The following EVA1A variants were observed in gnomAD, a reference collection of about 807,000 sequenced individuals.
The protein encoded by EVA1A is eva-1 homolog A, regulator of programmed cell death, also known as protein eva-1 homolog A.
In EVA1A, 7 loss-of-function variants were observed where a neutral mutation model predicts 9.8. The observed-to-expected ratio is 0.71, with a 90% CI of 0.41 to 1.34. The LOEUF is 1.34. Ranked by LOEUF, EVA1A falls within the 40% of genes most tolerant of loss-of-function variation. EVA1A has a pLI of 0.01. For missense variants in EVA1A, 206 were observed against 205.9 expected, an observed-to-expected ratio of 1.00 and a Z score of 0.00; for synonymous variants, 90 against 85.6, an observed-to-expected ratio of 1.05 and a Z score of -0.28.
intron 3 of EVA1A, among the ~76,000 whole-genome samples, chr2:75,509,087 A>G (rs1314315526): frequency 1.3e-5 from 2 of 152,134 alleles, no homozygotes; most frequent in East Asian, 1.9e-4. Flanking sequence ...GCCTGTGCAA[A>G]TCGAGGAACC....
In EVA1A at chr2:75,509,413, T is replaced by A. The variant is rs544379062; in HGVS notation, c.85+8643A>T. Among the ~76,000 whole-genome samples, 14 of 152,328 alleles carry A rather than the reference T, an allele frequency of 9.2e-5. No homozygotes were observed. The East Asian group carries it at 2.7e-3, about 29-fold the overall frequency. On this transcript the variant is annotated intron_variant, in intron 3 of 3. Transcript: ENST00000393913. ...ATTTGCTGTTAACCAGTTAACCAGTTAACCAATACCCTCTCATGTTATTAA... is the reference window on the plus strand; with the variant it reads ...ATTTGCTGTTAACCAGTTAACCAGTAAACCAATACCCTCTCATGTTATTAA...
In EVA1A at chr2:75,493,619, G is replaced by T. The variant is rs780050218; in HGVS notation, c.86-10C>A. The T allele has an allele frequency of 3.8e-6, 6 of 1,568,338 alleles. No individual in the cohort carries two copies. Among genetic ancestry groups the T allele is most frequent in the Non-Finnish European group, 5.2e-6 (6 of 1,155,844 alleles). The stretch of plus-strand genomic sequence containing the variant: ...GCTCGCTCAGGATTTTCTGGAGGAA[G>T]AAGAGGAAGAAGCAAGCATTTGAGA... On this transcript the variant is annotated splice_polypyrimidine_tract_variant and intron_variant, in intron 3 of 3. Transcript: ENST00000393913.
At chr2:75,541,163 C>G (rs114040254) in intron 1 of EVA1A, among the ~76,000 whole-genome samples, 1,860 of 152,338 alleles carry the variant, frequency 0.012, 41 homozygotes, top group African/African-American at 0.043. Flanking sequence ...TACAATAGAG[C>G]TGAGCCAACC....
intron 3 of EVA1A, among the ~76,000 whole-genome samples, chr2:75,503,766 G>C (rs1383705115): frequency 6.6e-6 from 1 of 152,196 alleles, no homozygotes; most frequent in Non-Finnish European, 1.5e-5. Flanking sequence ...GGCTGGGAAA[G>C]GTGAGTGGAG....
intron 1 of EVA1A, among the ~76,000 whole-genome samples, chr2:75,568,878 T>A (rs922630553): frequency 6.6e-6 from 1 of 152,252 alleles, no homozygotes; most frequent in Non-Finnish European, 1.5e-5. Flanking sequence ...CACTTAAATA[T>A]GCAAAGATAT....
chr2:75,554,450 G>A (rs557001262), intron 1 of EVA1A, among the ~76,000 whole-genome samples: 1 of 152,148 alleles, frequency 6.6e-6, no homozygotes, highest in Non-Finnish European at 1.5e-5. Context: ...GAAGGAAAGG[G>A]GGAAAAGCGG....
intron 3 of EVA1A, among the ~76,000 whole-genome samples, chr2:75,500,819 C>T (rs1236061765): frequency 6.9e-6 from 1 of 145,002 alleles, no homozygotes; most frequent in Non-Finnish European, 1.5e-5. Flanking sequence ...CATTTTTTGA[C>T]TCACTCTTTG....
chr2:75,556,155 A>G (rs79178213), intron 1 of EVA1A, among the ~76,000 whole-genome samples: 3,818 of 152,264 alleles, frequency 0.025, 63 homozygotes, highest in East Asian at 0.061. Context: ...CCACACTAAT[A>G]CCTCAAGGTT....
At chr2:75,563,716 G>A (rs13020202), upstream of EVA1A, among the ~76,000 whole-genome samples, 5,744 of 152,170 alleles carry the variant, frequency 0.038, 178 homozygotes, top group Middle Eastern at 0.054. Flanking sequence ...TACCACCTCT[G>A]CCCACCCCCA....
intron 3 of EVA1A, among the ~76,000 whole-genome samples, chr2:75,510,759 G>A (rs896042311): frequency 8.5e-5 from 13 of 152,130 alleles, no homozygotes; most frequent in African/African-American, 3.1e-4. Flanking sequence ...TATAGGAAAA[G>A]TGCCTAGAAA....
Position 75,518,062 on chromosome 2 carries a change from C to G in EVA1A, c.79G>C (p.Val27Leu). 1.9e-6 allele frequency: 3 copies of G among 1,614,062 alleles called. No homozygotes were observed. Among genetic ancestry groups the G allele is most frequent in the Non-Finnish European group, 2.5e-6 (3 of 1,179,990 alleles). The change falls in exon 3 of 4, where the codon GTC becomes CTC. Residue 27 changes from valine (V) to leucine (L), a missense_variant. Physicochemically the swap from Val to Leu is conservative, Grantham distance 32. Transcript: ENST00000393913. ...LSNILAAYSF[V>L]SENPERAALY... ...GTGGAAACCAGGCACCTACCTGAGA[C>G]AAAGGAATAGGCCGCTAGGATGTTG...
upstream of EVA1A, among the ~76,000 whole-genome samples, chr2:75,563,822 A>G (rs1316718703): frequency 6.6e-6 from 1 of 152,146 alleles, no homozygotes; most frequent in Non-Finnish European, 1.5e-5. Flanking sequence ...TACCCACAAA[A>G]TAAGTTGTCT....
intron 3 of EVA1A, among the ~76,000 whole-genome samples, chr2:75,500,314 T>C (rs1296219967): frequency 2.0e-5 from 3 of 152,212 alleles, no homozygotes. Flanking sequence ...GACGGATCAC[T>C]CTGATTTTTG....
At chr2:75,521,920 A>C (rs1049765099) in intron 2 of EVA1A, among the ~76,000 whole-genome samples, 3 of 152,190 alleles carry the variant, frequency 2.0e-5, no homozygotes, top group African/African-American at 7.2e-5. Flanking sequence ...TTGCAATCAA[A>C]TTTTGGTTTT....
At chr2:75,551,227 C>T (rs1676511995) in intron 1 of EVA1A, among the ~76,000 whole-genome samples, 1 of 152,188 alleles carries the variant, frequency 6.6e-6, no homozygotes, top group Admixed American at 6.5e-5. Context: ...TCTTTTCTTG[C>T]ATGTTACTTT....
rs998033032 is a variant in EVA1A at position 75,493,116 on chromosome 2, C to T, written c.*120G>A. ...CTCCTGGCTAGAAAAGGGGCATGTCCTGCTTTTTCTCTGAAATCACAATAT... is the reference window on the plus strand; with the variant it reads ...CTCCTGGCTAGAAAAGGGGCATGTCTTGCTTTTTCTCTGAAATCACAATAT... On this transcript the variant is annotated 3_prime_UTR_variant, in exon 4 of 4. Coordinates refer to ENST00000393913, the MANE Select transcript of EVA1A (RefSeq NM_001135032.2). 3 of 1,409,946 alleles carry T rather than the reference C, an allele frequency of 2.1e-6. No homozygotes were observed. The South Asian group carries it at 4.2e-5, about 20-fold the overall frequency. 87.3% of individuals were successfully genotyped at this position (1,409,946 alleles called of 1,614,324 possible).
At chr2:75,532,214 C>T (rs1459558106) in intron 1 of EVA1A, among the ~76,000 whole-genome samples, 2 of 131,932 alleles carry the variant, frequency 1.5e-5, no homozygotes, top group Admixed American at 1.5e-4. Context: ...TAAACAGCAA[C>T]TGTTCCCCAA....
At chr2:75,536,174 C>T (rs1405246111) in intron 1 of EVA1A, among the ~76,000 whole-genome samples, 1 of 151,948 alleles carries the variant, frequency 6.6e-6, no homozygotes, top group African/African-American at 2.4e-5. Context: ...CCCGTCTCTA[C>T]AAAAAATACA....
Position 75,518,258 on chromosome 2 carries a change from G to A in EVA1A, c.-68-50C>T, listed in dbSNP as rs1675086598. 10 of 1,480,364 alleles carry A rather than the reference G, an allele frequency of 6.8e-6. No homozygotes were observed. The South Asian group carries it at 1.4e-4, about 21-fold the overall frequency. The allele number at this position is 1,480,364 out of a possible 1,614,324, so 91.7% of individuals were successfully genotyped here. A position where few individuals can be genotyped will look rare whatever the true frequency, so the allele number is the denominator to read the frequency against. ...ATAAGAAACATTCTGCTGTCCTGAG[G>A]CCATGTTCCAGGTAGCCTGGACTCC... On this transcript the variant is annotated intron_variant, in intron 2 of 3. Coordinates refer to ENST00000393913, the MANE Select transcript of EVA1A (RefSeq NM_001135032.2).
Sources: allele counts gnomAD v4.1 joint callset (sites outside exome capture counted in the v4.1 genomes callset), GRCh38; gene constraint gnomAD v4.1.1; transcripts MANE v1.5; gene names NCBI Gene and HGNC (gene_info 2026-07-23, HGNC 2026-07-21).